Variants in NHLRC3 observed in about 807,000 individuals in gnomAD.
NHLRC3 encodes NHL repeat containing 3, also known as NHL repeat-containing protein 3.
NHLRC3 carries 23 observed loss-of-function variants against 32.0 expected under a neutral mutation model. The observed-to-expected ratio is 0.72, with a 90% CI of 0.52 to 1.02. The LOEUF (loss-of-function observed/expected upper bound fraction) is 1.02. NHLRC3 is among the 50% of genes least tolerant of loss of function. The pLI is 0.00. For synonymous variants in NHLRC3, 159 were observed against 147.9 expected, an observed-to-expected ratio of 1.08 and a Z score of -0.55; for missense variants, 407 against 406.8, an observed-to-expected ratio of 1.00 and a Z score of -0.01.
intron 5 of NHLRC3, 46 bp downstream of exon 5, chr13:39,044,227 G>C: frequency 9.5e-7 from 1 of 1,055,282 alleles, no homozygotes; most frequent in Middle Eastern, 2.0e-4. Context: ...GTCTGAATAT[G>C]TTTGTGTGTG....
In NHLRC3 at chr13:39,047,704, G is replaced by A; in HGVS notation, c.822G>A (p.Val274=). The change falls in exon 7 of 7, where the codon GTG becomes GTA. Residue 274 remains valine (V), a synonymous_variant. Coordinates refer to ENST00000379600, the MANE Select transcript of NHLRC3 (RefSeq NM_001012754.4). ...CTCCTGATGGGAAGTACTTGATTGT[G>A]GCCCAGCTGAATCTTAGCAGGCTCT... is the stretch of plus-strand genomic sequence containing the variant. ...RFTPDGKYLI[V]AQLNLSRLSV... is the part of the protein sequence containing the mutation. 1 of 1,613,664 alleles carries A rather than the reference G, an allele frequency of 6.2e-7. No homozygotes were observed.
In NHLRC3 at chr13:39,044,375, C is replaced by T. The variant is rs75209156; in HGVS notation, c.678+194C>T. 3.5e-3 allele frequency: 1,881 copies of T among 536,852 alleles called. 51 individuals carry two copies. In the East Asian group the frequency reaches 0.051, roughly 15 times the overall value. 33.3% of individuals were successfully genotyped at this position (536,852 alleles called of 1,614,324 possible). A position where few individuals can be genotyped will look rare whatever the true frequency, so the allele number is the denominator to read the frequency against. ...ATTACTCTGGGGCTGGGTGTGCACA[C>T]ATACTTTCTTACAAGTGTTTGAGTC... On this transcript the variant is annotated intron_variant, in intron 5 of 6. Transcript: ENST00000379600.
chr13:39,039,000 T>C (rs1871330477), intron 1 of NHLRC3, 136 bp from the exon 2 acceptor site: 1 of 714,802 alleles, frequency 1.4e-6, no homozygotes, highest in South Asian at 1.9e-5. Context: ...CTCATTTCTT[T>C]GGAATTATTT....
rs1433527064 is a variant in NHLRC3 at position 39,039,652 on chromosome 13, G to C, written c.326G>C (p.Gly109Ala). 1.2e-6 allele frequency: 2 copies of C among 1,612,786 alleles called. No individual in the cohort carries two copies. Among genetic ancestry groups the C allele is most frequent in the South Asian group, 1.1e-5 (1 of 91,056 alleles). Residue 109 changes from glycine (G) to alanine (A), a missense_variant, in exon 3 of 7, where the codon GGT (glycine) becomes GCT (alanine). Coordinates refer to ENST00000379600, the MANE Select transcript of NHLRC3 (RefSeq NM_001012754.4). ...AWNYTVDTPH[G>A]IFAASTLYEQ... ...AATTATACAGTTGACACACCTCATG[G>C]TATATTTGCAGCCAGTACTCTATAT...
In NHLRC3 at chr13:39,048,972, A is replaced by C. The variant is rs966333744; in HGVS notation, c.*1046A>C. 35 of 152,470 alleles carry C rather than the reference A, an allele frequency of 2.3e-4. 1 individual carries two copies. The highest frequency in any genetic ancestry group is 1.5e-5 in the Non-Finnish European group (1 of 68,014). 9.4% of individuals were successfully genotyped at this position (152,470 alleles called of 1,614,324 possible). A position where few individuals can be genotyped will look rare whatever the true frequency, so the allele number is the denominator to read the frequency against. On this transcript the variant is annotated 3_prime_UTR_variant, in exon 7 of 7. Transcript: ENST00000379600. ...AAATCCTTTGAGCTGTTAAGATGAT[A>C]ATTTCCTGCTTTCCTCCTACATCTT... is the stretch of plus-strand genomic sequence containing the variant.
At position 39,047,925 on chromosome 13, in the gene NHLRC3, A is replaced by T; in HGVS notation, c.1043A>T (p.Ter348LeuextTer32). 1 of 1,592,964 alleles carries T rather than the reference A, an allele frequency of 6.3e-7. No individual in the cohort carries two copies. The highest frequency in any genetic ancestry group is 8.6e-7 in the Non-Finnish European group (1 of 1,163,288). Residue 348 changes from the stop codon to leucine, a stop_lost, in exon 7 of 7, where the codon TAA (stop) becomes TTA (leucine). Coordinates refer to ENST00000379600, the MANE Select transcript of NHLRC3 (RefSeq NM_001012754.4). The stretch of plus-strand genomic sequence containing the variant: ...AGCTATGTTCCTTCATTTGGTTCAT[A>T]ATGTTTCTTTCCTGGGAATATTTCA... ...LNSYVPSFGS[*>L]
chr13:39,045,181 G>C (rs1205999564), intron 5 of NHLRC3, among the ~76,000 whole-genome samples: 2 of 152,094 alleles, frequency 1.3e-5, no homozygotes, highest in Non-Finnish European at 2.9e-5. Flanking sequence ...AGAATGTTTT[G>C]ATCATTAAAT....
intron 5 of NHLRC3, among the ~76,000 whole-genome samples, chr13:39,045,451 A>G (rs1021945357): frequency 5.9e-5 from 9 of 152,214 alleles, no homozygotes; most frequent in African/African-American, 2.2e-4. Context: ...AAGAGTGTCA[A>G]TTATACAAAA....
In NHLRC3 at chr13:39,039,575, C is replaced by T. The variant is rs1365972753; in HGVS notation, c.249C>T (p.Asn83=). The change falls in exon 3 of 7, where the codon AAC becomes AAT. Residue 83 remains asparagine, a synonymous_variant. Coordinates refer to ENST00000379600, the MANE Select transcript of NHLRC3 (RefSeq NM_001012754.4). ...GLVYIGQRGD[N]IPKILVFTED... is the part of the protein sequence containing the mutation. ...TTGTATACCTTCAGAGAGGGGATAA[C>T]ATCCCAAAGATATTAGTGTTCACAG... The T allele has an allele frequency of 1.1e-5, 17 of 1,611,198 alleles. No homozygotes were observed. The highest frequency in any genetic ancestry group is 1.4e-5 in the Non-Finnish European group (17 of 1,177,492).
In NHLRC3 at chr13:39,044,086, A is replaced by G. The variant is rs1189182731; in HGVS notation, c.587-4A>G. 1.9e-6 allele frequency: 3 copies of G among 1,604,620 alleles called. No individual in the cohort carries two copies. Among genetic ancestry groups the G allele is most frequent in the Non-Finnish European group, 2.6e-6 (3 of 1,171,444 alleles). On this transcript the variant is annotated splice_region_variant and splice_polypyrimidine_tract_variant and intron_variant, in intron 4 of 6. Coordinates refer to ENST00000379600, the MANE Select transcript of NHLRC3 (RefSeq NM_001012754.4). ...CTCTGACTATATATTTTTACCGTTT[A>G]TAGATTTCATGATCCTTTGGCTGCA...
rs1871820412 is a variant in NHLRC3, at chr13:39,049,391, C to G, written c.*1465C>G. 6.6e-6 allele frequency: 1 copy of G among 152,132 alleles called. No homozygotes were observed. Among genetic ancestry groups the G allele is most frequent in the Non-Finnish European group, 1.5e-5 (1 of 68,032 alleles). The allele number at this position is 152,132 out of a possible 1,614,324, so 9.4% of individuals were successfully genotyped here. ...TGGTGCCACTGATCGGACTGTATGA[C>G]CTTAAACAAGTCACCTTAGTTTTCA... On this transcript the variant is annotated 3_prime_UTR_variant, in exon 7 of 7. Transcript: ENST00000379600.
At chr13:39,042,884 C>T (rs1269576501) in intron 4 of NHLRC3, among the ~76,000 whole-genome samples, 1 of 152,096 alleles carries the variant, frequency 6.6e-6, no homozygotes, top group Non-Finnish European at 1.5e-5. Flanking sequence ...ATGGAACATT[C>T]ATGGAGGGTT....
chr13:39,044,462 A>C (rs370412962), intron 5 of NHLRC3: 4 of 350,964 alleles, frequency 1.1e-5, no homozygotes, highest in African/African-American at 6.3e-5. Flanking sequence ...TGTACCATTT[A>C]AAAGGATAGA....
intron 6 of NHLRC3, 138 bp from the exon 7 acceptor site, chr13:39,047,536 T>G (rs1275783386): frequency 1.6e-6 from 1 of 642,792 alleles, no homozygotes; most frequent in Non-Finnish European, 2.6e-6. Flanking sequence ...TTAGATCAAA[T>G]TAAAATTCTT....
intron 4 of NHLRC3, among the ~76,000 whole-genome samples, chr13:39,042,998 A>G (rs1430694214): frequency 6.6e-6 from 1 of 152,188 alleles, no homozygotes; most frequent in Non-Finnish European, 1.5e-5. Context: ...GTCTTATTTG[A>G]GGATTATTAA....
chr13:39,040,628 T>A (rs1485758927), intron 3 of NHLRC3: 3 of 152,174 alleles, frequency 2.0e-5, no homozygotes, highest in African/African-American at 7.2e-5. Context: ...AGGCAATACC[T>A]GAGATATCCT....
At chr13:39,045,398 T>TCTAAAA (rs1234792995) in intron 5 of NHLRC3, among the ~76,000 whole-genome samples, 1 of 152,178 alleles carries the variant, frequency 6.6e-6, no homozygotes, top group Non-Finnish European at 1.5e-5. Flanking sequence ...TAAAAGGCCT[T>TCTAAAA]GGAAATCATC....
At chr13:39,038,753 G>A in intron 1 of NHLRC3, 30 bp downstream of exon 1, 1 of 1,568,070 alleles carries the variant, frequency 6.4e-7, no homozygotes, top group South Asian at 1.1e-5. Flanking sequence ...AATGACTGTC[G>A]GGTGTGCGGG....
rs769907718 is a variant in NHLRC3, at chr13:39,042,245, G to T, written c.526G>T (p.Asp176Tyr). The T allele has an allele frequency of 6.2e-7, 1 of 1,611,180 alleles. No individual in the cohort carries two copies. The highest frequency in any genetic ancestry group is 8.5e-7 in the Non-Finnish European group (1 of 1,177,564). ...AGAATTATATGTAGAGGACACAGGA[G>T]ATATTTACATTGTGGATGGAGATGG... ...PAELYVEDTGDIYIVDGDGGL... is the reference protein window; with the variant it reads ...PAELYVEDTGYIYIVDGDGGL... Residue 176 changes from aspartate to tyrosine, a missense_variant, in exon 4 of 7, where the codon GAT becomes TAT. Asp to Tyr is a radical substitution (Grantham distance 160). Transcript: ENST00000379600.
Sources: allele counts gnomAD v4.1 joint callset (sites outside exome capture counted in the v4.1 genomes callset), GRCh38; gene constraint gnomAD v4.1.1; transcripts MANE v1.5; gene names NCBI Gene and HGNC (gene_info 2026-07-23, HGNC 2026-07-21).